Variants in WDR11 observed in about 807,000 individuals in gnomAD.
The protein encoded by WDR11 is WD repeat-containing protein 11.
WDR11 carries 83 observed loss-of-function variants against 151.2 expected under a neutral mutation model. The observed-to-expected ratio is 0.55, with a 90% CI of 0.46 to 0.66. The LOEUF (loss-of-function observed/expected upper bound fraction) is 0.66. Among genes scored for constraint, WDR11 ranks in the 30% least tolerant of loss-of-function variants. The probability of loss-of-function intolerance (pLI) is 0.00; values close to 1 mark genes in which losing one functional copy is unlikely to be tolerated. For missense variants in WDR11, 1,301 were observed against 1,480.9 expected, an observed-to-expected ratio of 0.88 and a Z score of 1.99; for synonymous variants, 484 against 533.1, an observed-to-expected ratio of 0.91 and a Z score of 1.27.
chr10:120,901,827 C>T (rs1291312986), intron 21 of WDR11, among the ~76,000 whole-genome samples: 2 of 152,134 alleles, frequency 1.3e-5, no homozygotes, highest in South Asian at 4.1e-4. Context: ...TTTAGAAATA[C>T]GAACTTATAA....
rs1467674640 is a variant in WDR11, at chr10:120,889,997, G to C, written c.2331G>C (p.Trp777Cys). 6.2e-7 allele frequency: 1 copy of C among 1,608,082 alleles called. No individual in the cohort carries two copies. The highest frequency in any genetic ancestry group is 8.5e-7 in the Non-Finnish European group (1 of 1,174,700). The change falls in exon 18 of 29, where the codon TGG (tryptophan) becomes TGC (cysteine). Residue 777 changes from tryptophan to cysteine, a missense_variant. This residue lies in a region of WDR11 where 589 missense variants were observed against 670.6 expected (regional missense o/e 0.88). Transcript: ENST00000263461. ...IAMYNDGAEV[W>C]DTKEVQMVSS... is the part of the protein sequence containing the mutation. ...TGTACAATGATGGAGCTGAAGTGTG[G>C]GATACTAAAGAGGTAGGCCCTCTCC...
intron 5 of WDR11, among the ~76,000 whole-genome samples, chr10:120,863,317 G>T (rs1328047194): frequency 6.6e-6 from 1 of 152,172 alleles, no homozygotes; most frequent in Non-Finnish European, 1.5e-5. Context: ...AGTAAAATCG[G>T]AGTGTTTTTC....
chr10:120,851,656 ATT>A (rs1404716721), intron 1 of WDR11, 150 bp downstream of exon 1: 1 of 913,400 alleles, frequency 1.1e-6, no homozygotes, highest in African/African-American at 1.7e-5. Flanking sequence ...CAGTTGGTGG[ATT>A]TTTGTTGTTA....
chr10:120,853,828 A>G (rs1055922885), intron 2 of WDR11, among the ~76,000 whole-genome samples: 2 of 151,986 alleles, frequency 1.3e-5, no homozygotes, highest in African/African-American at 4.8e-5. Flanking sequence ...GAATAGAGTG[A>G]CTCCAAGGTT....
At chr10:120,872,442 G>A (rs984655208) in intron 10 of WDR11, among the ~76,000 whole-genome samples, 2 of 152,062 alleles carry the variant, frequency 1.3e-5, no homozygotes, top group African/African-American at 4.8e-5. Flanking sequence ...AATTTCTTGG[G>A]GAAAACTACT....
intron 10 of WDR11, among the ~76,000 whole-genome samples, chr10:120,873,186 T>C (rs1427783377): frequency 6.6e-6 from 1 of 152,210 alleles, no homozygotes; most frequent in East Asian, 1.9e-4. Context: ...TGCCAATTAC[T>C]GTGCTTAGTG....
chr10:120,851,724 C>CT (rs1845781648), intron 1 of WDR11: 2 of 615,544 alleles, frequency 3.2e-6, no homozygotes, highest in African/African-American at 3.7e-5. Flanking sequence ...CATTTCCCCT[C>CT]TTTCTCGCGT....
At position 120,865,743 on chromosome 10, in the gene WDR11, A is replaced by G; in HGVS notation, c.993A>G (p.Pro331=). 3 of 1,584,712 alleles carry G rather than the reference A, an allele frequency of 1.9e-6. No homozygotes were observed. The highest frequency in any genetic ancestry group is 1.1e-5 in the South Asian group (1 of 90,102). Residue 331 remains proline (P), a splice_region_variant and synonymous_variant, in exon 7 of 29, where the codon CCA becomes CCG. Transcript: ENST00000263461. ...TTTTTACCACTTCAAATGAGGAACC[A>G]GGTGAGTTTCTGTCTCACAATAATG... is the stretch of plus-strand genomic sequence containing the variant. ...NNIFTTSNEE[P]DPDPVQELTY... is the part of the protein sequence containing the mutation.
chr10:120,904,028 C>G lies in WDR11; in HGVS notation c.2932-19C>G, dbSNP rs1303175319. On this transcript the variant is annotated intron_variant, in intron 23 of 28. Transcript: ENST00000263461. ...CTCTTATAATCCAGGCTTAATTTTT[C>G]TTTTTTTTCCAATTCTAGAAATTTC... 1 of 1,539,852 alleles carries G rather than the reference C, an allele frequency of 6.5e-7. No homozygotes were observed. The highest frequency in any genetic ancestry group is 9.0e-7 in the Non-Finnish European group (1 of 1,114,884).
intron 19 of WDR11, among the ~76,000 whole-genome samples, chr10:120,894,651 C>A (rs893799681): frequency 6.6e-6 from 1 of 152,158 alleles, no homozygotes; most frequent in Admixed American, 6.5e-5. Flanking sequence ...TGATTTTCTT[C>A]TTGGCTCTTT....
chr10:120,879,452 T>C (rs1230064924), intron 12 of WDR11: 8 of 152,112 alleles, frequency 5.3e-5, no homozygotes, highest in African/African-American at 1.7e-4. Flanking sequence ...TGGCCCTGTG[T>C]CTAGTGATCC....
intron 2 of WDR11, among the ~76,000 whole-genome samples, chr10:120,855,789 T>C (rs942180596): frequency 2.0e-5 from 3 of 152,236 alleles, no homozygotes; most frequent in African/African-American, 7.2e-5. Context: ...AAGTAGACAG[T>C]CATGTCACTG....
chr10:120,862,721 T>G lies in WDR11; in HGVS notation c.527-14T>G, dbSNP rs1383434173. 1 of 1,614,020 alleles carries G rather than the reference T, an allele frequency of 6.2e-7. No individual in the cohort carries two copies. The highest frequency in any genetic ancestry group is 2.2e-5 in the East Asian group (1 of 44,874). ...CATTAAACTTTAATCAGAGTTTTGC[T>G]TTTCTCAATATAGTGCTTACCAGCG... On this transcript the variant is annotated splice_polypyrimidine_tract_variant and intron_variant, in intron 4 of 28. Coordinates refer to ENST00000263461, the MANE Select transcript of WDR11 (RefSeq NM_018117.12).
At chr10:120,899,504 C>G (rs1010617112) in intron 19 of WDR11, among the ~76,000 whole-genome samples, 3 of 152,086 alleles carry the variant, frequency 2.0e-5, no homozygotes, top group African/African-American at 7.2e-5. Flanking sequence ...AAAAGAAGGC[C>G]GGGTGTGGTA....
In WDR11 at chr10:120,900,099, G is replaced by C; in HGVS notation, c.2586G>C (p.Gln862His). 3 of 1,613,992 alleles carry C rather than the reference G, an allele frequency of 1.9e-6. No individual in the cohort carries two copies. The highest frequency in any genetic ancestry group is 2.5e-6 in the Non-Finnish European group (3 of 1,179,916). Residue 862 changes from glutamine to histidine, a missense_variant, in exon 20 of 29, where the codon CAG becomes CAC. Transcript: ENST00000263461. ...CCTTGAAAGCCTTCTTATTACACCA[G>C]CCTTGGAATGGACAGTATTCTTTGG... ...SLALKAFLLH[Q>H]PWNGQYSLDI...
chr10:120,877,773 A>G (rs1204460894), intron 11 of WDR11, among the ~76,000 whole-genome samples: 1 of 152,222 alleles, frequency 6.6e-6, no homozygotes, highest in Non-Finnish European at 1.5e-5. Context: ...TGTGTTTTTA[A>G]AAAATCATAA....
At chr10:120,898,603 G>C in intron 19 of WDR11, among the ~76,000 whole-genome samples, 1 of 152,154 alleles carries the variant, frequency 6.6e-6, no homozygotes, top group South Asian at 2.1e-4. Flanking sequence ...GCAGCTGGTA[G>C]GGGGTGATTG....
chr10:120,906,908 G>T (rs977121437), intron 28 of WDR11, 53 bp downstream of exon 28: 2 of 1,613,134 alleles, frequency 1.2e-6, no homozygotes, highest in African/African-American at 2.7e-5. Flanking sequence ...ACATGCATGG[G>T]TTTTGGAATT....
chr10:120,909,316 T>A lies in WDR11; in HGVS notation c.*603T>A, dbSNP rs1458144360. 2 of 153,384 alleles carry A rather than the reference T, an allele frequency of 1.3e-5. No homozygotes were observed. The highest frequency in any genetic ancestry group is 2.9e-5 in the Non-Finnish European group (2 of 69,238). The allele number at this position is 153,384 out of a possible 1,614,324, so 9.5% of individuals were successfully genotyped here. A position where few individuals can be genotyped will look rare whatever the true frequency, so the allele number is the denominator to read the frequency against. ...CATAGGAGGTTTTAAGATTTATGTT[T>A]AGTCCGATAGGTGAGGTCTTTGATA... On this transcript the variant is annotated 3_prime_UTR_variant, in exon 29 of 29. Coordinates refer to ENST00000263461, the MANE Select transcript of WDR11 (RefSeq NM_018117.12).
Sources: allele counts gnomAD v4.1 joint callset (sites outside exome capture counted in the v4.1 genomes callset), GRCh38; gene constraint gnomAD v4.1.1; regional missense constraint gnomAD v4.1.1; transcripts MANE v1.5; gene names NCBI Gene and HGNC (gene_info 2026-07-23, HGNC 2026-07-21).